The following PHF2 variants were observed in gnomAD, a reference collection of about 807,000 sequenced individuals.
PHF2 encodes the protein PHD finger protein 2, also known as lysine-specific demethylase PHF2.
PHF2 carries 27 observed loss-of-function variants against 120.5 expected under a neutral mutation model. The observed-to-expected ratio is 0.22, with a 90% CI of 0.17 to 0.31. The LOEUF (loss-of-function observed/expected upper bound fraction) is 0.31, where lower values mean the gene tolerates loss of function less well. Ranked by LOEUF, PHF2 falls within the 10% of genes least tolerant of loss-of-function variation. The pLI is 1.00. For missense variants in PHF2, 1,024 were observed against 1,434.8 expected, an observed-to-expected ratio of 0.71 and a Z score of 4.63; for synonymous variants, 568 against 592.5, an observed-to-expected ratio of 0.96 and a Z score of 0.60.
intron 2 of PHF2, among the ~76,000 whole-genome samples, chr9:93,631,321 C>T (rs1202885032): frequency 6.6e-6 from 1 of 152,178 alleles, no homozygotes; most frequent in Non-Finnish European, 1.5e-5. Flanking sequence ...CAGGTCTCGA[C>T]CCTATCCCCA....
At chr9:93,602,996 G>T (rs752466684) in intron 1 of PHF2, among the ~76,000 whole-genome samples, 1 of 152,022 alleles carries the variant, frequency 6.6e-6, no homozygotes, top group Admixed American at 6.5e-5. Flanking sequence ...CAAGGGAACC[G>T]CTGAGTTGCT....
intron 1 of PHF2, among the ~76,000 whole-genome samples, chr9:93,612,313 T>G (rs977232185): frequency 8.8e-6 from 1 of 113,344 alleles, no homozygotes; most frequent in African/African-American, 3.0e-5. Flanking sequence ...ACCCAAGAAG[T>G]TTTTACTAAT....
chr9:93,633,092 G>T (rs1826027206), intron 2 of PHF2, among the ~76,000 whole-genome samples: 1 of 152,182 alleles, frequency 6.6e-6, no homozygotes, highest in Admixed American at 6.5e-5. Context: ...CACCTGTCCT[G>T]CTCCTGCCAC....
At position 93,627,215 on chromosome 9, in the gene PHF2, T is replaced by G. The variant is rs192471249; in HGVS notation, c.99-2755T>G. Among the ~76,000 whole-genome samples the G allele has an allele frequency of 1.9e-3, 286 of 152,344 alleles. 4 individuals are homozygous for G. The South Asian group carries it at 0.031, about 16-fold the overall frequency. ...AAGTCTTGCATCTCCTAGGTTAAAT[T>G]TATTCCTACATATTAATATTTTGTT... On this transcript the variant is annotated intron_variant, in intron 1 of 21. Coordinates refer to ENST00000359246, the MANE Select transcript of PHF2 (RefSeq NM_005392.4).
In PHF2 at chr9:93,614,603, C is replaced by T. The variant is rs114383509; in HGVS notation, c.99-15367C>T. ...GGGCTGAGCTGGGGTCTCTTCAGCT[C>T]GCAGTCCTGGAGGAATGGACATAGC... On this transcript the variant is annotated intron_variant, in intron 1 of 21. Coordinates refer to ENST00000359246, the MANE Select transcript of PHF2 (RefSeq NM_005392.4). Among the ~76,000 whole-genome samples the T allele has an allele frequency of 2.6e-5, 4 of 152,324 alleles. No homozygotes were observed. In the South Asian group the frequency reaches 6.2e-4, roughly 24 times the overall value.
chr9:93,654,272 T>G (rs1046195386), intron 6 of PHF2, 141 bp from the exon 7 acceptor site: 62 of 687,196 alleles, frequency 9.0e-5, no homozygotes, highest in Non-Finnish European at 1.4e-4. Flanking sequence ...CATTTCTGAA[T>G]TGCAAAGCAC....
intron 1 of PHF2, among the ~76,000 whole-genome samples, chr9:93,580,435 A>G (rs1305451456): frequency 2.0e-5 from 3 of 152,126 alleles, no homozygotes; most frequent in African/African-American, 4.8e-5. Context: ...TGGGCCGTAC[A>G]CTGTGTTCCC....
At chr9:93,627,563 A>G (rs1293951861) in intron 1 of PHF2, among the ~76,000 whole-genome samples, 1 of 141,924 alleles carries the variant, frequency 7.0e-6, no homozygotes, top group Non-Finnish European at 1.5e-5. Flanking sequence ...AGTGGCAACA[A>G]TAGGCATCCT....
At chr9:93,596,256 C>T (rs1271401189) in intron 1 of PHF2, among the ~76,000 whole-genome samples, 1 of 152,186 alleles carries the variant, frequency 6.6e-6, no homozygotes, top group Non-Finnish European at 1.5e-5. Context: ...GGAGGGCAAG[C>T]TGCATGTCAC....
At chr9:93,672,744 G>T (rs1826829719) in intron 17 of PHF2, 1 of 983,380 alleles carries the variant, frequency 1.0e-6, no homozygotes. Flanking sequence ...GCAGGTATGG[G>T]TATAGGAGTA....
chr9:93,659,474 G>C (rs1046654017), intron 10 of PHF2, 37 bp from the exon 11 acceptor site: 1 of 1,554,268 alleles, frequency 6.4e-7, no homozygotes, highest in Non-Finnish European at 8.9e-7. Flanking sequence ...ACCACGGGAG[G>C]TGTCTGGTGC....
intron 18 of PHF2, 130 bp from the exon 19 acceptor site, chr9:93,674,797 C>G: frequency 9.3e-6 from 6 of 644,634 alleles, no homozygotes; most frequent in Middle Eastern, 3.9e-4. Context: ...AGTGACACAG[C>G]GTGGCAGGCC....
At chr9:93,674,299 G>A (rs1281216041) in intron 18 of PHF2, among the ~76,000 whole-genome samples, 2 of 152,092 alleles carry the variant, frequency 1.3e-5, no homozygotes, top group Non-Finnish European at 2.9e-5. Flanking sequence ...TGTTGGGGCA[G>A]CTCCCCACCA....
chr9:93,659,652 C>A, intron 11 of PHF2, 52 bp downstream of exon 11: 1 of 1,535,544 alleles, frequency 6.5e-7, no homozygotes, highest in East Asian at 2.3e-5. Flanking sequence ...GGGGAGGGCC[C>A]ACCTGTCTTT....
chr9:93,654,833 A>G lies in PHF2; in HGVS notation c.952+258A>G, dbSNP rs571387331. 4.6e-5 allele frequency among the ~76,000 whole-genome samples: 7 copies of G among 151,716 alleles called. No homozygotes were observed. In the East Asian group the frequency reaches 1.4e-3, roughly 30 times the overall value. On this transcript the variant is annotated intron_variant, in intron 7 of 21. Transcript: ENST00000359246. ...CTTGTGTTGTCTCGTCAGCATGGGC[A>G]CTCCTCACCACCGAGGCCACCTTGG...
intron 1 of PHF2, among the ~76,000 whole-genome samples, chr9:93,625,554 T>C (rs751997534): frequency 4.9e-5 from 7 of 142,050 alleles, no homozygotes; most frequent in Admixed American, 2.2e-4. Flanking sequence ...CTCGGCTCAC[T>C]GCAACCTCTG....
At chr9:93,649,238 GGGGGCT>G in intron 5 of PHF2, 26 bp downstream of exon 5, 2 of 1,545,970 alleles carry the variant, frequency 1.3e-6, no homozygotes, top group Non-Finnish European at 1.7e-6. Flanking sequence ...CTGGGGGTGT[GGGGGCT>G]GGGGTTGGGG....
At chr9:93,658,802 C>T (rs1826507918) in intron 10 of PHF2, among the ~76,000 whole-genome samples, 1 of 152,154 alleles carries the variant, frequency 6.6e-6, no homozygotes, top group Admixed American at 6.5e-5. Flanking sequence ...ACCCGGGCAG[C>T]CCCTCCCTGT....
chr9:93,646,633 C>T, intron 4 of PHF2, among the ~76,000 whole-genome samples: 1 of 152,154 alleles, frequency 6.6e-6, no homozygotes, highest in South Asian at 2.1e-4. Flanking sequence ...GGGGTGTGTG[C>T]TGGAGGTGAA....
Sources: gnomAD v4.1 joint callset for allele counts (sites outside exome capture counted in the v4.1 genomes callset) on GRCh38, gnomAD v4.1.1 for gene constraint, MANE v1.5 for transcripts, NCBI Gene and HGNC (gene_info 2026-07-23, HGNC 2026-07-21) for gene names.